The following CIMAP2 variants were observed in gnomAD, a reference collection of about 807,000 sequenced individuals.
CIMAP2 encodes ciliary microtubule-associated protein 2.
the CIMAP2 span, chr1:54,811,768 T>TGCATGCCCCCCCCCCCCCCCCCC: frequency 3.7e-6 from 2 of 533,354 alleles, no homozygotes; most frequent in South Asian, 1.4e-5. Flanking sequence ...TCTGACAGCC[T>TGCATGCCCCCCCCCCCCCCCCCC]CCATGCCCCC....
chr1:54,841,640 C>T, the CIMAP2 span: 5 of 1,614,050 alleles, frequency 3.1e-6, no homozygotes, highest in Non-Finnish European at 4.2e-6. Flanking sequence ...GTTGGAAAGG[C>T]CTAGAAGTCA....
At chr1:54,821,899 T>C in the CIMAP2 span, among the ~76,000 whole-genome samples, 8 of 80,504 alleles carry the variant, frequency 9.9e-5, 2 homozygotes, top group East Asian at 1.9e-3. Flanking sequence ...TTTTTTTTTT[T>C]TTTTTTTTTT....
At chr1:54,812,173 G>A in the CIMAP2 span, 1 of 1,614,184 alleles carries the variant, frequency 6.2e-7, no homozygotes, top group South Asian at 1.1e-5. Flanking sequence ...CTGCCTTATG[G>A]GCACTACTCC....
the CIMAP2 span, among the ~76,000 whole-genome samples, chr1:54,806,518 T>C: frequency 1.3e-5 from 2 of 152,164 alleles, no homozygotes; most frequent in South Asian, 4.1e-4. Context: ...GCCTGGTCCA[T>C]AGTAGGCCAC....
the CIMAP2 span, among the ~76,000 whole-genome samples, chr1:54,823,327 T>A: frequency 6.6e-6 from 1 of 152,114 alleles, no homozygotes; most frequent in African/African-American, 2.4e-5. Flanking sequence ...AATGACCTTC[T>A]TTGTCTCTTT....
chr1:54,825,729 G>GT, the CIMAP2 span, among the ~76,000 whole-genome samples: 4 of 152,112 alleles, frequency 2.6e-5, no homozygotes, highest in Non-Finnish European at 5.9e-5. Flanking sequence ...TGAGCCAGTA[G>GT]GTCCTTGGGC....
the CIMAP2 span, chr1:54,807,165 G>A: frequency 3.5e-5 from 50 of 1,419,030 alleles, no homozygotes; most frequent in East Asian, 7.0e-4. Flanking sequence ...TGGATGAGCT[G>A]AGCTGTAGAA....
the CIMAP2 span, chr1:54,842,185 C>G: frequency 2.2e-6 from 1 of 446,420 alleles, no homozygotes; most frequent in Non-Finnish European, 4.0e-6. Flanking sequence ...GTAGTTGACA[C>G]TTGTGGGACC....
At chr1:54,818,950 C>G in the CIMAP2 span, among the ~76,000 whole-genome samples, 1 of 152,124 alleles carries the variant, frequency 6.6e-6, no homozygotes, top group Non-Finnish European at 1.5e-5. Context: ...TCTTTTGCCC[C>G]CTGTGTTGTC....
the CIMAP2 span, among the ~76,000 whole-genome samples, chr1:54,820,348 GT>G: frequency 1.6e-4 from 24 of 146,368 alleles, no homozygotes; most frequent in African/African-American, 4.5e-4. Flanking sequence ...AAAAAGTTTT[GT>G]TTTTTTTTTG....
At chr1:54,811,710 G>GGC in the CIMAP2 span, 1 of 1,446,472 alleles carries the variant, frequency 6.9e-7, no homozygotes, top group Non-Finnish European at 9.6e-7. Flanking sequence ...CTTGGGGATG[G>GGC]CAATCTCAGG....
the CIMAP2 span, chr1:54,817,105 C>G: frequency 1.5e-5 from 24 of 1,614,066 alleles, no homozygotes; most frequent in Non-Finnish European, 1.8e-5. Context: ...CAGACCTGGC[C>G]CGGGACATGC....
chr1:54,838,485 T>TA, the CIMAP2 span, among the ~76,000 whole-genome samples: 110,050 of 148,826 alleles, frequency 0.74, 41,630 homozygotes, highest in Middle Eastern at 0.85. Context: ...CCATCTCAAT[T>TA]AAAAAAAAAA....
At chr1:54,808,071 C>T in the CIMAP2 span, 3 of 1,464,648 alleles carry the variant, frequency 2.0e-6, no homozygotes, top group Non-Finnish European at 9.1e-7. Context: ...GGGTGCCCAA[C>T]AAATTCATTC....
chr1:54,835,730 A>G, the CIMAP2 span, among the ~76,000 whole-genome samples: 1 of 152,138 alleles, frequency 6.6e-6, no homozygotes, highest in East Asian at 1.9e-4. Context: ...AGTCTGGTCC[A>G]GAGTGGCTCC....
chr1:54,807,908 G>C, the CIMAP2 span: 1 of 1,595,582 alleles, frequency 6.3e-7, no homozygotes, highest in Non-Finnish European at 8.5e-7. Context: ...CTGGGCCCCG[G>C]CTCCTACAAC....
the CIMAP2 span, chr1:54,813,809 C>T: frequency 1.9e-6 from 3 of 1,586,480 alleles, no homozygotes; most frequent in Non-Finnish European, 2.6e-6. Flanking sequence ...CTCTCTTTTT[C>T]TTAGAAAAAA....
At chr1:54,813,247 G>A in the CIMAP2 span, among the ~76,000 whole-genome samples, 10 of 151,808 alleles carry the variant, frequency 6.6e-5, no homozygotes, top group Middle Eastern at 0.01. Flanking sequence ...CAGCCTCCCC[G>A]ACCACCAACA....
At chr1:54,835,879 G>A in the CIMAP2 span, among the ~76,000 whole-genome samples, 2 of 152,076 alleles carry the variant, frequency 1.3e-5, no homozygotes. Context: ...AAGCTTTCTG[G>A]AAGATGAGAG....
Sources: gnomAD v4.1 joint callset for allele counts (sites outside exome capture counted in the v4.1 genomes callset) on GRCh38, gnomAD v4.1.1 for gene constraint, MANE v1.5 for transcripts, NCBI Gene and HGNC (gene_info 2026-07-23, HGNC 2026-07-21) for gene names.